KIF6: variants seen among roughly 807,000 people sequenced by gnomAD.
KIF6 encodes kinesin family member 6.
A neutral mutation model predicts 112.7 loss-of-function variants in KIF6; 106 were observed. The ratio of observed to expected loss-of-function variants is 0.94; its 90% CI spans 0.80 to 1.11. The LOEUF is 1.11. KIF6 is among the 50% of genes least tolerant of loss of function. The probability of loss-of-function intolerance (pLI) is 0.00; values close to 1 mark genes in which losing one functional copy is unlikely to be tolerated. For synonymous variants in KIF6, 339 were observed against 339.9 expected, an observed-to-expected ratio of 1.00 and a Z score of 0.03; for missense variants, 929 against 964.0, an observed-to-expected ratio of 0.96 and a Z score of 0.48.
chr6:39,516,386 T>C (rs1044393052), intron 13 of KIF6, among the ~76,000 whole-genome samples: 1 of 148,502 alleles, frequency 6.7e-6, no homozygotes, highest in African/African-American at 2.4e-5. Context: ...ATAATCATTA[T>C]ATCTTATGTA....
intron 5 of KIF6, among the ~76,000 whole-genome samples, chr6:39,624,176 T>G (rs1783968124): frequency 6.6e-6 from 1 of 152,188 alleles, no homozygotes; most frequent in African/African-American, 2.4e-5. Flanking sequence ...TCGAGTGTGG[T>G]GCAGAAGCCT....
intron 3 of KIF6, among the ~76,000 whole-genome samples, chr6:39,680,978 T>A (rs1185257565): frequency 6.6e-6 from 1 of 152,152 alleles, no homozygotes; most frequent in African/African-American, 2.4e-5. Context: ...AGGCCATGTA[T>A]CAAGTACTTT....
intron 14 of KIF6, among the ~76,000 whole-genome samples, chr6:39,421,636 G>C (rs1378381544): frequency 1.3e-5 from 2 of 152,160 alleles, no homozygotes; most frequent in African/African-American, 4.8e-5. Flanking sequence ...TGCTTGGCCT[G>C]GGACTGTGGA....
chr6:39,582,141 AT>A (rs1170485730), intron 9 of KIF6, among the ~76,000 whole-genome samples: 1 of 152,098 alleles, frequency 6.6e-6, no homozygotes, highest in Non-Finnish European at 1.5e-5. Context: ...CATATTTTCT[AT>A]TTTTACTAAG....
intron 15 of KIF6, among the ~76,000 whole-genome samples, chr6:39,413,005 TG>T (rs1769602310): frequency 6.6e-6 from 1 of 152,208 alleles, no homozygotes; most frequent in Non-Finnish European, 1.5e-5. Context: ...TAATAGATTG[TG>T]TTGCCTTATG....
chr6:39,605,316 CT>C (rs923540574), intron 6 of KIF6, among the ~76,000 whole-genome samples: 92 of 151,954 alleles, frequency 6.1e-4, no homozygotes, highest in African/African-American at 2.2e-3. Flanking sequence ...GAATTTTTTT[CT>C]TTTTTCTCTT....
intron 10 of KIF6, among the ~76,000 whole-genome samples, chr6:39,555,454 G>T (rs1779646316): frequency 6.6e-6 from 1 of 151,988 alleles, no homozygotes; most frequent in South Asian, 2.1e-4. Flanking sequence ...CTACCCTGCT[G>T]GGCCCTCAGC....
At chr6:39,644,853 A>G (rs1398841157) in intron 3 of KIF6, among the ~76,000 whole-genome samples, 3 of 152,236 alleles carry the variant, frequency 2.0e-5, no homozygotes. Context: ...ACAATAAAAT[A>G]GTAAAGAAGA....
At chr6:39,722,017 G>A (rs1247681881) in intron 1 of KIF6, among the ~76,000 whole-genome samples, 2 of 152,050 alleles carry the variant, frequency 1.3e-5, no homozygotes, top group Non-Finnish European at 2.9e-5. Context: ...TTTAAAATGT[G>A]AAGAATTCAT....
At chr6:39,479,000 C>T (rs1414236673) in intron 13 of KIF6, among the ~76,000 whole-genome samples, 1 of 151,854 alleles carries the variant, frequency 6.6e-6, no homozygotes, top group Non-Finnish European at 1.5e-5. Context: ...CTGGATATTA[C>T]TCCTTTGTTG....
rs1229806554 is a variant in KIF6 at position 39,342,566 on chromosome 6, G to A, written c.2428+1143C>T. ...CTATCATCAGAGTATTTGGGGCATA[G>A]ATGGGGACTTGGAGATCACTGAATC... On this transcript the variant is annotated intron_variant, in intron 22 of 22. Coordinates refer to ENST00000287152, the MANE Select transcript of KIF6 (RefSeq NM_145027.6). The surrounding 1 kb of genome is among the most constrained non-coding windows in gnomAD (Gnocchi z 4.7). Among the ~76,000 whole-genome samples the A allele has an allele frequency of 6.6e-6, 1 of 150,484 alleles. No homozygotes were observed. The highest frequency in any genetic ancestry group is 1.5e-5 in the Non-Finnish European group (1 of 67,976).
At chr6:39,371,329 T>C (rs56225375) in intron 16 of KIF6, among the ~76,000 whole-genome samples, 62,496 of 152,050 alleles carry the variant, frequency 0.41, 14,851 homozygotes, top group Non-Finnish European at 0.52. Flanking sequence ...TCCTAGCTCA[T>C]TGACTTCTCC....
intron 10 of KIF6, among the ~76,000 whole-genome samples, chr6:39,575,482 G>A (rs1430831156): frequency 2.0e-5 from 3 of 152,118 alleles, no homozygotes; most frequent in Non-Finnish European, 4.4e-5. Flanking sequence ...ATGTTGGCCA[G>A]GATGGTCTCG....
chr6:39,474,204 A>G (rs1433197529), intron 13 of KIF6, among the ~76,000 whole-genome samples: 1 of 152,222 alleles, frequency 6.6e-6, no homozygotes, highest in Non-Finnish European at 1.5e-5. Flanking sequence ...GTCATGATAT[A>G]TGACTAACTG....
intron 13 of KIF6, among the ~76,000 whole-genome samples, chr6:39,524,357 T>C (rs571165065): frequency 3.3e-5 from 5 of 152,296 alleles, no homozygotes; most frequent in African/African-American, 1.2e-4. Flanking sequence ...TAGAGTTACA[T>C]TGTGGGCTTT....
At chr6:39,515,959 T>C (rs576819122) in intron 13 of KIF6, among the ~76,000 whole-genome samples, 1 of 152,326 alleles carries the variant, frequency 6.6e-6, no homozygotes, top group East Asian at 1.9e-4. Context: ...TAGTACCTAA[T>C]CTGAAAATCC....
chr6:39,618,373 C>T (rs1783640055), intron 5 of KIF6, among the ~76,000 whole-genome samples: 1 of 152,136 alleles, frequency 6.6e-6, no homozygotes, highest in Non-Finnish European at 1.5e-5. Flanking sequence ...ATCCTAAGCC[C>T]CTCATCCAAC....
At chr6:39,697,482 C>G (rs1788611967) in intron 3 of KIF6, among the ~76,000 whole-genome samples, 1 of 151,722 alleles carries the variant, frequency 6.6e-6, no homozygotes, top group Admixed American at 6.6e-5. Context: ...GTTTCCATCT[C>G]TTGTCATTGA....
chr6:39,341,385 G>A (rs1763319379), intron 22 of KIF6, among the ~76,000 whole-genome samples: 1 of 152,096 alleles, frequency 6.6e-6, no homozygotes, highest in East Asian at 1.9e-4. Flanking sequence ...CTTATCTGCT[G>A]TTCCTTTTCG....
Sources: gnomAD v4.1 joint callset for allele counts (sites outside exome capture counted in the v4.1 genomes callset) on GRCh38, gnomAD v4.1.1 for gene constraint, Gnocchi (gnomAD v3.1) non-coding constraint, MANE v1.5 for transcripts, NCBI Gene and HGNC (gene_info 2026-07-23, HGNC 2026-07-21) for gene names.